Variants in COMMD10 observed in about 807,000 individuals in gnomAD.
COMMD10 encodes the protein COMM domain-containing protein 10.
COMMD10 carries 33 observed loss-of-function variants against 28.9 expected under a neutral mutation model. That is an observed-to-expected ratio of 1.14 (90% CI 0.87 to 1.53). The LOEUF is 1.53. Ranked by LOEUF, COMMD10 falls within the 40% of genes most tolerant of loss-of-function variation. The probability of loss-of-function intolerance (pLI) is 0.00; values close to 1 mark genes in which losing one functional copy is unlikely to be tolerated. For missense variants in COMMD10, 310 were observed against 233.4 expected, an observed-to-expected ratio of 1.33 and a Z score of -2.14; for synonymous variants, 110 against 81.7, an observed-to-expected ratio of 1.35 and a Z score of -1.87.
At chr5:116,274,826 A>G (rs538369852) in intron 5 of COMMD10, among the ~76,000 whole-genome samples, 2 of 151,810 alleles carry the variant, frequency 1.3e-5, no homozygotes, top group South Asian at 4.1e-4. Flanking sequence ...GATCTTCTTG[A>G]CACATTTGCC....
At chr5:116,143,752 A>T (rs1445059282) in intron 5 of COMMD10, among the ~76,000 whole-genome samples, 2 of 151,922 alleles carry the variant, frequency 1.3e-5, no homozygotes, top group Non-Finnish European at 2.9e-5. Flanking sequence ...TAAAGTAAAT[A>T]TGCACTAACT....
At chr5:116,202,171 A>T (rs1243022984) in intron 5 of COMMD10, among the ~76,000 whole-genome samples, 1 of 151,914 alleles carries the variant, frequency 6.6e-6, no homozygotes, top group Admixed American at 6.6e-5. Context: ...TTTACTGAGA[A>T]TGATGATTTC....
At chr5:116,238,600 A>T (rs1369257457) in intron 5 of COMMD10, among the ~76,000 whole-genome samples, 1 of 152,172 alleles carries the variant, frequency 6.6e-6, no homozygotes, top group Non-Finnish European at 1.5e-5. Context: ...AACATTTTAC[A>T]ATTGGTTTTG....
At chr5:116,228,298 A>T (rs1749445823) in intron 5 of COMMD10, among the ~76,000 whole-genome samples, 1 of 152,010 alleles carries the variant, frequency 6.6e-6, no homozygotes, top group Non-Finnish European at 1.5e-5. Context: ...CAAAATCATT[A>T]TTTTGATAGC....
chr5:116,247,829 G>A (rs1223966879), intron 5 of COMMD10, among the ~76,000 whole-genome samples: 1 of 151,936 alleles, frequency 6.6e-6, no homozygotes, highest in East Asian at 1.9e-4. Flanking sequence ...AAGGTGGGAG[G>A]AAGGAAAGGA....
At chr5:116,284,398 A>C (rs562265806) in intron 5 of COMMD10, among the ~76,000 whole-genome samples, 1 of 151,900 alleles carries the variant, frequency 6.6e-6, no homozygotes, top group South Asian at 2.1e-4. Context: ...GTTTAATTCA[A>C]GATAGTTTTG....
intron 5 of COMMD10, among the ~76,000 whole-genome samples, chr5:116,194,343 G>C (rs553096608): frequency 1.3e-5 from 2 of 152,082 alleles, no homozygotes; most frequent in South Asian, 4.1e-4. Context: ...AAATGAAATG[G>C]AAACAAAAAC....
At chr5:116,202,613 G>T (rs1748699339) in intron 5 of COMMD10, among the ~76,000 whole-genome samples, 1 of 152,024 alleles carries the variant, frequency 6.6e-6, no homozygotes, top group South Asian at 2.1e-4. Flanking sequence ...TTGTGGTTTT[G>T]ATTTGCATTT....
intron 5 of COMMD10, among the ~76,000 whole-genome samples, chr5:116,207,431 G>C (rs563271248): frequency 6.6e-6 from 1 of 152,152 alleles, no homozygotes; most frequent in Non-Finnish European, 1.5e-5. Context: ...TCAAGAAGTT[G>C]TACAAAGATA....
chr5:116,150,111 G>T (rs1049524047), intron 5 of COMMD10, among the ~76,000 whole-genome samples: 1 of 151,966 alleles, frequency 6.6e-6, no homozygotes, highest in African/African-American at 2.4e-5. Flanking sequence ...TATTAAATAG[G>T]GAATACTTTC....
At chr5:116,124,925 C>A (rs1021132008) in intron 4 of COMMD10, among the ~76,000 whole-genome samples, 1 of 152,050 alleles carries the variant, frequency 6.6e-6, no homozygotes, top group Non-Finnish European at 1.5e-5. Flanking sequence ...CTTGGTAGAT[C>A]TTCCTCTATC....
rs557444238 is a variant in COMMD10 at position 116,287,824 on chromosome 5, T to G, written c.511-3693T>G. On this transcript the variant is annotated intron_variant, in intron 5 of 6. Transcript: ENST00000274458. ...CAAACTGATAACAACCTAACTCTAATCACATATGAAAACTTTCTCCTTTAC... is the reference window on the plus strand; with the variant it reads ...CAAACTGATAACAACCTAACTCTAAGCACATATGAAAACTTTCTCCTTTAC... 2.0e-5 allele frequency among the ~76,000 whole-genome samples: 3 copies of G among 151,952 alleles called. No individual in the cohort carries two copies. In the South Asian group the frequency reaches 6.2e-4, roughly 31 times the overall value.
intron 5 of COMMD10, among the ~76,000 whole-genome samples, chr5:116,176,368 C>A (rs1199679055): frequency 6.6e-6 from 1 of 152,156 alleles, no homozygotes; most frequent in Admixed American, 6.6e-5. Flanking sequence ...CTCTCGTCGG[C>A]CTCCCAAAGT....
intron 5 of COMMD10, among the ~76,000 whole-genome samples, chr5:116,173,152 G>C (rs1054648578): frequency 2.0e-5 from 3 of 152,024 alleles, no homozygotes; most frequent in Non-Finnish European, 4.4e-5. Flanking sequence ...TCATCTAACA[G>C]CTGCCTGTTG....
intron 5 of COMMD10, among the ~76,000 whole-genome samples, chr5:116,173,412 C>T (rs1311532753): frequency 6.6e-6 from 1 of 151,932 alleles, no homozygotes; most frequent in Non-Finnish European, 1.5e-5. Flanking sequence ...TTGGAATTTC[C>T]TGATTTTTAA....
rs760274213 is a variant in COMMD10 at position 116,292,518 on chromosome 5, G to T, written c.*29G>T. 3.4e-5 allele frequency: 53 copies of T among 1,557,024 alleles called. No homozygotes were observed. The highest frequency in any genetic ancestry group is 4.2e-5 in the Non-Finnish European group (48 of 1,146,866). On this transcript the variant is annotated 3_prime_UTR_variant, in exon 7 of 7. Coordinates refer to ENST00000274458, the MANE Select transcript of COMMD10 (RefSeq NM_016144.4). ...TTTCGAAGACTGTTTTTTTCATCAC[G>T]CTCCTGCCACCTCATTATTTTGCAT...
chr5:116,175,009 A>G (rs749198398), intron 5 of COMMD10, among the ~76,000 whole-genome samples: 6 of 152,116 alleles, frequency 3.9e-5, no homozygotes, highest in Admixed American at 6.6e-5. Context: ...GATGTGGAGA[A>G]CCAGTTTGCT....
intron 4 of COMMD10, among the ~76,000 whole-genome samples, chr5:116,112,310 A>G (rs1458033844): frequency 3.3e-5 from 5 of 152,182 alleles, no homozygotes; most frequent in Admixed American, 6.5e-5. Context: ...GGCCCATAAT[A>G]TCAATCAATA....
rs150738785 is a variant in COMMD10 at position 116,152,528 on chromosome 5, C to G, written c.510+18350C>G. Among the ~76,000 whole-genome samples, 3 of 152,150 alleles carry G rather than the reference C, an allele frequency of 2.0e-5. No individual in the cohort carries two copies. The South Asian group carries it at 6.2e-4, about 32-fold the overall frequency. On this transcript the variant is annotated intron_variant, in intron 5 of 6. Transcript: ENST00000274458. ...GCTTTCAGCTATAGGACTCAAAAGT[C>G]TACAAATAGCCTCAAAACACCCCAT...
Sources: allele counts gnomAD v4.1 joint callset (sites outside exome capture counted in the v4.1 genomes callset), GRCh38; gene constraint gnomAD v4.1.1; transcripts MANE v1.5; gene names NCBI Gene and HGNC (gene_info 2026-07-23, HGNC 2026-07-21).